MYOM1: variants seen among roughly 807,000 people sequenced by gnomAD.
The protein encoded by MYOM1 is myomesin 1.
A neutral mutation model predicts 205.3 loss-of-function variants in MYOM1; 164 were observed. The ratio of observed to expected loss-of-function variants is 0.80; its 90% CI spans 0.70 to 0.91. MYOM1 has a LOEUF of 0.91. MYOM1 is among the 40% of genes least tolerant of loss of function. MYOM1 has a pLI of 0.00. For missense variants in MYOM1, 2,011 were observed against 2,127.3 expected, an observed-to-expected ratio of 0.95 and a Z score of 1.08; for synonymous variants, 772 against 789.4, an observed-to-expected ratio of 0.98 and a Z score of 0.37.
At position 3,152,008 on chromosome 18, in the gene MYOM1, G is replaced by A. The variant is rs947006160; in HGVS notation, c.1644-115C>T. ...GATCTTCTCCCTATAAAATATCCAAGTCAGGCGTGGCTCGCTACCTGGTGA... is the reference window on the plus strand; with the variant it reads ...GATCTTCTCCCTATAAAATATCCAAATCAGGCGTGGCTCGCTACCTGGTGA... On this transcript the variant is annotated intron_variant, in intron 11 of 37. Transcript: ENST00000356443. The surrounding 1 kb of genome is among the most constrained non-coding windows in gnomAD (Gnocchi z 4.3). 8 of 1,095,608 alleles carry A rather than the reference G, an allele frequency of 7.3e-6. No homozygotes were observed. The African/African-American group carries it at 1.1e-4, about 15-fold the overall frequency. 67.9% of individuals were successfully genotyped at this position (1,095,608 alleles called of 1,614,324 possible).
chr18:3,232,048 G>A, the MYOM1 span, among the ~76,000 whole-genome samples: 8 of 151,330 alleles, frequency 5.3e-5, no homozygotes, highest in Admixed American at 1.3e-4. Context: ...AGTAGAACCC[G>A]GCCAGGAGCA....
chr18:3,182,204 A>G (rs2080743991), intron 5 of MYOM1, among the ~76,000 whole-genome samples: 1 of 152,062 alleles, frequency 6.6e-6, no homozygotes, highest in South Asian at 2.1e-4. Flanking sequence ...GGCTACAATC[A>G]AGATTTCCAT....
At position 3,129,267 on chromosome 18, in the gene MYOM1, C is replaced by A; in HGVS notation, c.2759G>T (p.Ser920Ile). 1 of 1,613,962 alleles carries A rather than the reference C, an allele frequency of 6.2e-7. No homozygotes were observed. Among genetic ancestry groups the A allele is most frequent in the South Asian group, 1.1e-5 (1 of 91,082 alleles). ...CTTCTTTTTCAGGGGGTCAGACTTA[C>A]TTTTCCCCTGAGGAGCCGCTTTCTG... ...PPQKAAPQGKSKSDPLKKKTD... is the reference protein window; with the variant it reads ...PPQKAAPQGKIKSDPLKKKTD... Residue 920 changes from serine (S) to isoleucine (I), a missense_variant, in exon 18 of 38, where the codon AGT (serine) becomes ATT (isoleucine). Coordinates refer to ENST00000356443, the MANE Select transcript of MYOM1 (RefSeq NM_003803.4).
At chr18:3,116,297 G>A (rs1184358097) in intron 21 of MYOM1, 34 bp downstream of exon 21, 1 of 1,594,114 alleles carries the variant, frequency 6.3e-7, no homozygotes, top group Admixed American at 1.7e-5. Context: ...AGAGCAGTTA[G>A]TAGAGGAAGC....
upstream of MYOM1, among the ~76,000 whole-genome samples, chr18:3,224,653 G>C (rs1030049225): frequency 4.6e-5 from 7 of 151,564 alleles, no homozygotes; most frequent in Non-Finnish European, 8.8e-5. Context: ...TTATGGAAAT[G>C]GAATTATCAT....
chr18:3,146,755 G>A (rs2080128489), intron 13 of MYOM1, among the ~76,000 whole-genome samples: 2 of 151,940 alleles, frequency 1.3e-5, no homozygotes, highest in South Asian at 4.2e-4. Context: ...TGTACTAAAG[G>A]TTCTAGATGG....
chr18:3,116,537 G>T (rs754415632), intron 20 of MYOM1, 22 bp from the exon 21 acceptor site: 1 of 1,497,996 alleles, frequency 6.7e-7, no homozygotes, highest in Non-Finnish European at 8.9e-7. Context: ...AGAAGCCAAT[G>T]AGTAGAAATC....
At chr18:3,131,338 C>A (rs768651996) in intron 17 of MYOM1, 37 bp downstream of exon 17, 77 of 1,605,360 alleles carry the variant, frequency 4.8e-5, no homozygotes, top group African/African-American at 4.0e-5. Flanking sequence ...TAGAAAAATC[C>A]ATTTTTCCCC....
At chr18:3,138,010 GA>G (rs1450257917) in intron 14 of MYOM1, among the ~76,000 whole-genome samples, 2 of 152,074 alleles carry the variant, frequency 1.3e-5, no homozygotes, top group Admixed American at 6.6e-5. Context: ...TAATTAATGG[GA>G]AAATTAATTT....
chr18:3,124,079 C>T (rs1244328380), intron 19 of MYOM1, among the ~76,000 whole-genome samples: 7 of 151,120 alleles, frequency 4.6e-5, no homozygotes, highest in Admixed American at 2.6e-4. Flanking sequence ...TCAAGTGATC[C>T]CCCCACCTCG....
At chr18:3,227,754 G>A in the MYOM1 span, among the ~76,000 whole-genome samples, 8 of 152,090 alleles carry the variant, frequency 5.3e-5, no homozygotes, top group African/African-American at 1.9e-4. Flanking sequence ...AGCAGGCGGA[G>A]GTTGCAGTGA....
chr18:3,166,211 G>A (rs1271309061), intron 9 of MYOM1, among the ~76,000 whole-genome samples: 10 of 150,642 alleles, frequency 6.6e-5, no homozygotes, highest in Non-Finnish European at 1.3e-4. Context: ...GGCCCAAAAA[G>A]TCAGCTCTGG....
chr18:3,142,709 G>A (rs1161845816), intron 13 of MYOM1, among the ~76,000 whole-genome samples: 14 of 152,152 alleles, frequency 9.2e-5, no homozygotes. Flanking sequence ...AAGTCCCAGA[G>A]CATCTAGAGT....
At chr18:3,178,792 T>C (rs1260615355) in intron 5 of MYOM1, among the ~76,000 whole-genome samples, 1 of 152,196 alleles carries the variant, frequency 6.6e-6, no homozygotes, top group African/African-American at 2.4e-5. Flanking sequence ...ATATAACATT[T>C]ATCAAAATTA....
chr18:3,113,931 TA>T (rs747214159), intron 21 of MYOM1, among the ~76,000 whole-genome samples: 1 of 152,238 alleles, frequency 6.6e-6, no homozygotes, highest in Admixed American at 6.5e-5. Flanking sequence ...TTAATCTAAC[TA>T]ATTGTATTTG....
intron 5 of MYOM1, among the ~76,000 whole-genome samples, chr18:3,184,128 A>T (rs991105979): frequency 6.6e-6 from 1 of 150,790 alleles, no homozygotes; most frequent in Non-Finnish European, 1.5e-5. Context: ...CTGGTCTCAA[A>T]CTCCTGGCCT....
chr18:3,106,294 C>A (rs1338860886), intron 22 of MYOM1, among the ~76,000 whole-genome samples: 1 of 152,136 alleles, frequency 6.6e-6, no homozygotes, highest in Non-Finnish European at 1.5e-5. Context: ...CTTTGTAAAG[C>A]ATTTCGAGAT....
chr18:3,111,350 G>A (rs1029215995), intron 22 of MYOM1, among the ~76,000 whole-genome samples: 6 of 151,630 alleles, frequency 4.0e-5, no homozygotes, highest in Non-Finnish European at 5.9e-5. Flanking sequence ...TCTGAAACTC[G>A]TTGGACAATG....
At chr18:3,217,710 TG>T (rs1468501665) in intron 1 of MYOM1, among the ~76,000 whole-genome samples, 1 of 152,066 alleles carries the variant, frequency 6.6e-6, no homozygotes, top group Non-Finnish European at 1.5e-5. Context: ...ATTACAGGCA[TG>T]GTGGCTCATG....
Sources: allele counts gnomAD v4.1 joint callset (sites outside exome capture counted in the v4.1 genomes callset), GRCh38; gene constraint gnomAD v4.1.1; non-coding constraint Gnocchi (gnomAD v3.1); transcripts MANE v1.5; gene names NCBI Gene and HGNC (gene_info 2026-07-23, HGNC 2026-07-21).